LSAMP: variants seen among roughly 807,000 people sequenced by gnomAD.
The protein encoded by LSAMP is limbic system-associated membrane protein.
Under a neutral mutation model 38.6 loss-of-function variants are expected in LSAMP, and 7 were observed. The observed-to-expected ratio is 0.18, with a 90% CI of 0.10 to 0.34. The LOEUF (loss-of-function observed/expected upper bound fraction) is 0.34. Among genes scored for constraint, LSAMP ranks in the 10% least tolerant of loss-of-function variants. LSAMP has a pLI of 1.00. For synonymous variants in LSAMP, 154 were observed against 166.8 expected (o/e 0.92, Z 0.59); for missense variants, 313 against 420.0 (o/e 0.75, Z 2.23).
intron 1 of LSAMP, among the ~76,000 whole-genome samples, chr3:116,292,129 C>A (rs533346463): frequency 1.3e-5 from 2 of 152,120 alleles, no homozygotes; most frequent in Non-Finnish European, 2.9e-5. Context: ...TCCCCTACTT[C>A]TTTTATTTAT....
intron 3 of LSAMP, among the ~76,000 whole-genome samples, chr3:115,901,749 G>C (rs1003426881): frequency 6.6e-6 from 1 of 152,022 alleles, no homozygotes; most frequent in Admixed American, 6.6e-5. Context: ...CAAGGCTTTA[G>C]TTCAACATCT....
chr3:115,985,537 G>A (rs887286932), intron 3 of LSAMP, among the ~76,000 whole-genome samples: 4 of 152,102 alleles, frequency 2.6e-5, no homozygotes, highest in African/African-American at 4.8e-5. Context: ...CTCATACCTC[G>A]TACCCATGTT....
intron 1 of LSAMP, among the ~76,000 whole-genome samples, chr3:116,406,370 C>A (rs1211133427): frequency 1.3e-5 from 2 of 151,958 alleles, no homozygotes; most frequent in African/African-American, 4.8e-5. Context: ...CAATAAGCAG[C>A]GTTAAAGCTT....
At chr3:116,154,370 T>C (rs1156503200) in intron 1 of LSAMP, among the ~76,000 whole-genome samples, 1 of 152,118 alleles carries the variant, frequency 6.6e-6, no homozygotes, top group Non-Finnish European at 1.5e-5. Context: ...CCCATAAAGT[T>C]TAATTCACCT....
At chr3:116,173,697 G>A (rs1328185899) in intron 1 of LSAMP, among the ~76,000 whole-genome samples, 1 of 151,918 alleles carries the variant, frequency 6.6e-6, no homozygotes, top group Non-Finnish European at 1.5e-5. Flanking sequence ...ACAAAGGCAA[G>A]TGCTTTAATT....
At chr3:116,214,638 G>T (rs1293083130) in intron 1 of LSAMP, among the ~76,000 whole-genome samples, 1 of 151,736 alleles carries the variant, frequency 6.6e-6, no homozygotes, top group Non-Finnish European at 1.5e-5. Flanking sequence ...AATTAGCTGG[G>T]ATTACAGGTG....
chr3:116,105,493 A>G (rs1708443602), intron 1 of LSAMP, among the ~76,000 whole-genome samples: 1 of 151,944 alleles, frequency 6.6e-6, no homozygotes, highest in African/African-American at 2.4e-5. Context: ...GCCGTTTTAT[A>G]GGATTTGGAA....
intron 2 of LSAMP, among the ~76,000 whole-genome samples, chr3:116,077,722 C>T (rs556425422): frequency 3.9e-5 from 6 of 152,114 alleles, no homozygotes; most frequent in Non-Finnish European, 7.4e-5. Flanking sequence ...TCAATTGCTG[C>T]GTCATGCCTT....
intron 1 of LSAMP, among the ~76,000 whole-genome samples, chr3:116,291,523 C>G (rs570535445): frequency 6.6e-6 from 1 of 152,124 alleles, no homozygotes; most frequent in Non-Finnish European, 1.5e-5. Context: ...TCTATGAGAC[C>G]AGGATAGATG....
intron 1 of LSAMP, among the ~76,000 whole-genome samples, chr3:116,253,101 C>T (rs552062174): frequency 1.3e-5 from 2 of 152,274 alleles, no homozygotes; most frequent in Admixed American, 6.5e-5. Flanking sequence ...TGGCCCCACC[C>T]TTTCCCCCCT....
intron 3 of LSAMP, among the ~76,000 whole-genome samples, chr3:115,926,973 C>T (rs1937510717): frequency 6.6e-6 from 1 of 152,144 alleles, no homozygotes. Flanking sequence ...TTCTTCGCTG[C>T]ATATTCAGTG....
intron 3 of LSAMP, among the ~76,000 whole-genome samples, chr3:115,924,196 A>G (rs1421760005): frequency 6.6e-6 from 1 of 152,162 alleles, no homozygotes; most frequent in Admixed American, 6.5e-5. Context: ...TTTTAGCTGG[A>G]GTGAAATGGT....
At chr3:116,093,055 T>C (rs1438258635) in intron 1 of LSAMP, among the ~76,000 whole-genome samples, 1 of 152,206 alleles carries the variant, frequency 6.6e-6, no homozygotes, top group African/African-American at 2.4e-5. Context: ...TCCGCACCAG[T>C]TATCTATACT....
intron 2 of LSAMP, among the ~76,000 whole-genome samples, chr3:116,031,422 C>A (rs1940918475): frequency 6.6e-6 from 1 of 151,534 alleles, no homozygotes; most frequent in African/African-American, 2.4e-5. Context: ...AAATGGCTTA[C>A]TGTTCATCTA....
chr3:116,194,076 T>C (rs1449635752), intron 1 of LSAMP, among the ~76,000 whole-genome samples: 1 of 152,234 alleles, frequency 6.6e-6, no homozygotes, highest in Non-Finnish European at 1.5e-5. Context: ...CCGACTCCTA[T>C]AGGAGAGAAA....
chr3:116,019,022 C>G (rs1432607609), intron 3 of LSAMP, among the ~76,000 whole-genome samples: 1 of 152,040 alleles, frequency 6.6e-6, no homozygotes, highest in African/African-American at 2.4e-5. Context: ...AAAAGCCAAG[C>G]AAACAAACAT....
intron 3 of LSAMP, among the ~76,000 whole-genome samples, chr3:115,926,424 C>T (rs1937500403): frequency 6.6e-6 from 1 of 152,178 alleles, no homozygotes; most frequent in Non-Finnish European, 1.5e-5. Flanking sequence ...TATACATAAA[C>T]ATTTTTCTAG....
At chr3:115,964,113 T>G (rs1938718119) in intron 3 of LSAMP, among the ~76,000 whole-genome samples, 1 of 152,222 alleles carries the variant, frequency 6.6e-6, no homozygotes, top group Admixed American at 6.5e-5. Flanking sequence ...AGTGTTCAAT[T>G]GACAGTTTTT....
chr3:116,054,113 C>T (rs1214807451), intron 2 of LSAMP, among the ~76,000 whole-genome samples: 1 of 152,134 alleles, frequency 6.6e-6, no homozygotes, highest in Non-Finnish European at 1.5e-5. Context: ...AATTCCTTGC[C>T]TTCTCCAGTT....
Sources: allele counts gnomAD v4.1 joint callset (sites outside exome capture counted in the v4.1 genomes callset), GRCh38; gene constraint gnomAD v4.1.1; transcripts MANE v1.5; gene names NCBI Gene and HGNC (gene_info 2026-07-23, HGNC 2026-07-21).